The following TTF1 variants were observed in gnomAD, a reference collection of about 807,000 sequenced individuals.
TTF1 encodes transcription termination factor 1, also known as transcription termination factor, RNA polymerase I.
In TTF1, 64 loss-of-function variants were observed where a neutral mutation model predicts 80.2. That is an observed-to-expected ratio of 0.80 (90% CI 0.65 to 0.98). TTF1 has a LOEUF of 0.98. TTF1 is among the 50% of genes least tolerant of loss of function. The pLI, the probability that TTF1 is intolerant of heterozygous loss-of-function variation, is 0.00. For synonymous variants in TTF1, 372 were observed against 382.7 expected (o/e 0.97, Z 0.33); for missense variants, 1,023 against 1,086.2 (o/e 0.94, Z 0.82).
chr9:132,383,443 A>G (rs540704794), intron 9 of TTF1, among the ~76,000 whole-genome samples: 2 of 152,188 alleles, frequency 1.3e-5, no homozygotes, highest in Non-Finnish European at 2.9e-5. Flanking sequence ...TTGCTTGGGA[A>G]GTGGTATCTG....
intron 5 of TTF1, among the ~76,000 whole-genome samples, chr9:132,395,698 A>T (rs1273680545): frequency 1.3e-5 from 2 of 152,220 alleles, no homozygotes; most frequent in Admixed American, 1.3e-4. Context: ...CTCAGTTTAC[A>T]ATCACAGAGC....
intron 5 of TTF1, among the ~76,000 whole-genome samples, chr9:132,392,712 CAT>C (rs1164739754): frequency 6.6e-6 from 1 of 152,174 alleles, no homozygotes; most frequent in African/African-American, 2.4e-5. Flanking sequence ...CCAACAGAAA[CAT>C]AATACGAGCC....
intron 3 of TTF1, among the ~76,000 whole-genome samples, chr9:132,399,336 A>C (rs1564189837): frequency 6.6e-6 from 1 of 151,284 alleles, no homozygotes. Context: ...TTTTTTGCTT[A>C]ATTTGTCTTG....
chr9:132,375,782 A>G lies in TTF1; in HGVS notation c.*133T>C. The G allele has an allele frequency of 1.6e-6, 1 of 611,948 alleles. No individual in the cohort carries two copies. Among genetic ancestry groups the G allele is most frequent in the Non-Finnish European group, 2.9e-6 (1 of 350,472 alleles). 37.9% of individuals were successfully genotyped at this position (611,948 alleles called of 1,614,324 possible). On this transcript the variant is annotated 3_prime_UTR_variant, in exon 11 of 11. Coordinates refer to ENST00000334270, the MANE Select transcript of TTF1 (RefSeq NM_007344.4). ...ACTGCAACCTCCACCTCCTGGGTTC[A>G]AGCAATTCTCCTGCCTCAGCCTCCC...
At chr9:132,399,690 A>AT (rs1849723841) in intron 3 of TTF1, among the ~76,000 whole-genome samples, 1 of 152,176 alleles carries the variant, frequency 6.6e-6, no homozygotes, top group Non-Finnish European at 1.5e-5. Flanking sequence ...ATTAAAGTTG[A>AT]TTTTAATTTG....
chr9:132,390,517 GCAGTTACACAGATATT>G (rs1213185873), intron 7 of TTF1, 64 bp downstream of exon 7: 1 of 1,373,750 alleles, frequency 7.3e-7, no homozygotes, highest in Non-Finnish European at 1.0e-6. Flanking sequence ...CTTCCCCACG[GCAGTTACACAGATATT>G]CTTGGTAACC....
In TTF1 at chr9:132,375,698, A is replaced by C. The variant is rs953240252; in HGVS notation, c.*217T>G. The C allele has an allele frequency of 2.8e-5, 13 of 463,684 alleles. No homozygotes were observed. Among genetic ancestry groups the C allele is most frequent in the African/African-American group, 2.5e-4 (13 of 51,172 alleles). The allele number at this position is 463,684 out of a possible 1,614,324, so 28.7% of individuals were successfully genotyped here. A position where few individuals can be genotyped will look rare whatever the true frequency, so the allele number is the denominator to read the frequency against. ...TATGTATATAAATATAATCAAACTGAGAAAAAGGGACAAGAAATAGTAATC... is the reference window on the plus strand; with the variant it reads ...TATGTATATAAATATAATCAAACTGCGAAAAAGGGACAAGAAATAGTAATC... On this transcript the variant is annotated 3_prime_UTR_variant, in exon 11 of 11. Transcript: ENST00000334270.
At chr9:132,399,926 G>C (rs942587245) in intron 3 of TTF1, 109 bp downstream of exon 3, 4 of 1,192,250 alleles carry the variant, frequency 3.4e-6, no homozygotes, top group Non-Finnish European at 4.8e-6. Context: ...TGAAGGAGGA[G>C]AAAGAATGCT....
In TTF1 at chr9:132,400,164, C is replaced by T. The variant is rs1849734468; in HGVS notation, c.1462G>A (p.Asp488Asn). The change falls in exon 3 of 11, where the codon GAT becomes AAT. Residue 488 changes from aspartate to asparagine, a missense_variant. Asp to Asn is a conservative substitution (Grantham distance 23). Transcript: ENST00000334270. ...TTCACGGCAGAACCCAAATCCGCAT[C>T]TGAATCATCGGCATCTCCTGAATCT... ...SADSGDADDS[D>N]ADLGSAVKQL... is the part of the protein sequence containing the mutation. 4 of 1,614,078 alleles carry T rather than the reference C, an allele frequency of 2.5e-6. No individual in the cohort carries two copies. Among genetic ancestry groups the T allele is most frequent in the Non-Finnish European group, 8.5e-7 (1 of 1,180,058 alleles).
chr9:132,396,656 G>A, intron 4 of TTF1, 145 bp from the exon 5 acceptor site: 1 of 640,252 alleles, frequency 1.6e-6, no homozygotes. Flanking sequence ...GAAGAAAGCT[G>A]TCTTGTTTTT....
intron 4 of TTF1, 79 bp downstream of exon 4, chr9:132,398,062 T>C (rs1849685795): frequency 1.6e-6 from 2 of 1,266,520 alleles, no homozygotes; most frequent in Non-Finnish European, 1.1e-6. Flanking sequence ...CCAGGTACCG[T>C]GCTAACACTT....
chr9:132,380,938 G>T (rs1364381403), intron 9 of TTF1, among the ~76,000 whole-genome samples: 1 of 151,896 alleles, frequency 6.6e-6, no homozygotes, highest in Admixed American at 6.6e-5. Flanking sequence ...TTGAGACAGG[G>T]TCTCACTCTG....
chr9:132,400,235 T>G lies in TTF1; in HGVS notation c.1391A>C (p.His464Pro). The part of the protein sequence containing the change: ...APRLEPANEE[H>P]NVETAEDSEI... Reference sequence around the variant, plus strand: ...GGAATCTTCAGCTGTTTCCACATTGTGTTCTTCATTTGCAGGTTCTAACCT... The same window carrying G: ...GGAATCTTCAGCTGTTTCCACATTGGGTTCTTCATTTGCAGGTTCTAACCT... The change falls in exon 3 of 11, where the codon CAC becomes CCC. Residue 464 changes from histidine (H) to proline (P), a missense_variant. Coordinates refer to ENST00000334270, the MANE Select transcript of TTF1 (RefSeq NM_007344.4). 11 of 1,614,248 alleles carry G rather than the reference T, an allele frequency of 6.8e-6. No individual in the cohort carries two copies. Among genetic ancestry groups the G allele is most frequent in the Non-Finnish European group, 9.3e-6 (11 of 1,180,040 alleles).
chr9:132,378,302 GGTGT>G (rs372481780), intron 10 of TTF1, among the ~76,000 whole-genome samples: 15 of 135,920 alleles, frequency 1.1e-4, no homozygotes, highest in South Asian at 5.0e-4. Flanking sequence ...GAGTGCATGT[GGTGT>G]GTGTGAGTGC....
At chr9:132,397,246 T>C (rs543328090) in intron 4 of TTF1, among the ~76,000 whole-genome samples, 1 of 152,192 alleles carries the variant, frequency 6.6e-6, no homozygotes, top group Non-Finnish European at 1.5e-5. Flanking sequence ...TTCCAGAAGA[T>C]GAACAATAAT....
chr9:132,382,362 C>G (rs1849383882), intron 9 of TTF1, among the ~76,000 whole-genome samples: 1 of 152,122 alleles, frequency 6.6e-6, no homozygotes. Flanking sequence ...AAGGAAGAAC[C>G]AGTATTTTTA....
chr9:132,380,804 G>A (rs1212645465), intron 9 of TTF1, among the ~76,000 whole-genome samples: 4 of 152,168 alleles, frequency 2.6e-5, no homozygotes, highest in African/African-American at 4.8e-5. Context: ...TATTTGACTA[G>A]ATGCCATAAT....
At chr9:132,395,800 G>T (rs1364275633) in intron 5 of TTF1, among the ~76,000 whole-genome samples, 2 of 152,288 alleles carry the variant, frequency 1.3e-5, no homozygotes, top group East Asian at 1.9e-4. Context: ...GTTTTCGGGG[G>T]CCGTGGAATC....
At chr9:132,391,062 A>G (rs1475894840) in intron 6 of TTF1, among the ~76,000 whole-genome samples, 1 of 152,216 alleles carries the variant, frequency 6.6e-6, no homozygotes, top group Non-Finnish European at 1.5e-5. Context: ...TCTTAAAGCA[A>G]TGTTTTATTT....
Sources: gnomAD v4.1 joint callset for allele counts (sites outside exome capture counted in the v4.1 genomes callset) on GRCh38, gnomAD v4.1.1 for gene constraint, MANE v1.5 for transcripts, NCBI Gene and HGNC (gene_info 2026-07-23, HGNC 2026-07-21) for gene names.